TMEM117: variants seen among roughly 807,000 people sequenced by gnomAD.
TMEM117 encodes the protein transmembrane protein 117.
Under a neutral mutation model 52.4 loss-of-function variants are expected in TMEM117, and 27 were observed. That is an observed-to-expected ratio of 0.51 (90% CI 0.38 to 0.71). The LOEUF is 0.71. Ranked by LOEUF, TMEM117 falls within the 30% of genes least tolerant of loss-of-function variation. The pLI is 0.00. For missense variants in TMEM117, 556 were observed against 630.5 expected, an observed-to-expected ratio of 0.88 and a Z score of 1.26; for synonymous variants, 215 against 206.3, an observed-to-expected ratio of 1.04 and a Z score of -0.36.
the TMEM117 span, chr12:43,806,304 G>T: frequency 6.9e-7 from 1 of 1,440,842 alleles, no homozygotes; most frequent in Non-Finnish European, 9.1e-7. Context: ...CCCGGCCGGC[G>T]GCCCCAGGAA....
At chr12:44,329,758 T>C (rs1354432363) in intron 6 of TMEM117, among the ~76,000 whole-genome samples, 3 of 152,126 alleles carry the variant, frequency 2.0e-5, no homozygotes, top group Non-Finnish European at 4.4e-5. Context: ...AACAATCATA[T>C]AGCATTTATC....
intron 5 of TMEM117, among the ~76,000 whole-genome samples, chr12:44,291,519 C>A (rs1215919735): frequency 6.6e-6 from 1 of 151,494 alleles, no homozygotes; most frequent in East Asian, 1.9e-4. Flanking sequence ...TCTGGCTAGA[C>A]TTTCAGTACC....
At chr12:43,820,098 TA>T in the TMEM117 span, among the ~76,000 whole-genome samples, 3 of 151,654 alleles carry the variant, frequency 2.0e-5, no homozygotes, top group Admixed American at 6.6e-5. Context: ...ATTACAGGTG[TA>T]TTTTTTTTTG....
At chr12:44,368,853 T>C (rs1726894) in intron 6 of TMEM117, among the ~76,000 whole-genome samples, 152,240 of 152,248 alleles carry the variant, frequency 1, 76,116 homozygotes, top group Middle Eastern at 1. Flanking sequence ...TGGAGGAACA[T>C]GCATTTGAGT....
chr12:44,114,956 T>G (rs1344469009), intron 3 of TMEM117, among the ~76,000 whole-genome samples: 1 of 152,218 alleles, frequency 6.6e-6, no homozygotes, highest in Non-Finnish European at 1.5e-5. Context: ...TCCAATTTAC[T>G]GTAGAATATC....
chr12:44,000,731 G>C (rs1946103953), intron 3 of TMEM117, among the ~76,000 whole-genome samples: 1 of 152,264 alleles, frequency 6.6e-6, no homozygotes, highest in East Asian at 1.9e-4. Context: ...GTAGGTCCCT[G>C]CACTTCCCTG....
chr12:44,180,270 C>A (rs1949174253), intron 4 of TMEM117, among the ~76,000 whole-genome samples: 1 of 152,094 alleles, frequency 6.6e-6, no homozygotes, highest in South Asian at 2.1e-4. Flanking sequence ...AATATTCCCT[C>A]ATTAAGCCAC....
intron 5 of TMEM117, among the ~76,000 whole-genome samples, chr12:44,277,429 A>G (rs142851068): frequency 8.5e-5 from 13 of 152,210 alleles, no homozygotes; most frequent in Admixed American, 8.5e-4. Context: ...AAAAAGACCC[A>G]TTTATTATTT....
intron 3 of TMEM117, among the ~76,000 whole-genome samples, chr12:44,072,454 T>C (rs1390282748): frequency 6.6e-6 from 1 of 152,106 alleles, no homozygotes; most frequent in Non-Finnish European, 1.5e-5. Flanking sequence ...AAGAATTAGG[T>C]CCCTGGGTTC....
intron 5 of TMEM117, among the ~76,000 whole-genome samples, chr12:44,234,812 G>C (rs1394552358): frequency 6.6e-6 from 1 of 151,234 alleles, no homozygotes; most frequent in African/African-American, 2.4e-5. Context: ...ATTATATACT[G>C]TGTGTAATTT....
intron 6 of TMEM117, among the ~76,000 whole-genome samples, chr12:44,309,678 G>T (rs1950948743): frequency 6.6e-6 from 1 of 150,740 alleles, no homozygotes; most frequent in African/African-American, 2.4e-5. Flanking sequence ...TTCCAATAAG[G>T]ATAATATTAT....
intron 3 of TMEM117, among the ~76,000 whole-genome samples, chr12:44,045,261 G>A (rs1008168723): frequency 6.6e-6 from 1 of 152,186 alleles, no homozygotes; most frequent in Admixed American, 6.5e-5. Context: ...CCACTGCTGA[G>A]TGCCCAATTT....
rs181651674 is a variant in TMEM117, at chr12:44,184,889, A to G, written c.511-26401A>G. On this transcript the variant is annotated intron_variant, in intron 4 of 7. Transcript: ENST00000266534. ...ACAATAGAAAACTAATGCAATCTCA[A>G]ACATATGTAAGCATAACTTCCTATG... Among the ~76,000 whole-genome samples, 668 of 152,306 alleles carry G rather than the reference A, an allele frequency of 4.4e-3. 7 individuals carry two copies. The highest frequency in any genetic ancestry group is 0.015 in the African/African-American group (638 of 41,570).
intron 3 of TMEM117, among the ~76,000 whole-genome samples, chr12:44,096,533 A>G (rs1297191254): frequency 6.6e-6 from 1 of 152,106 alleles, no homozygotes; most frequent in Admixed American, 6.5e-5. Context: ...TCAATGGAAC[A>G]GAACAGAGCC....
At chr12:43,998,216 T>C (rs899763915) in intron 3 of TMEM117, among the ~76,000 whole-genome samples, 16 of 152,202 alleles carry the variant, frequency 1.1e-4, no homozygotes, top group Non-Finnish European at 2.2e-4. Context: ...AATTACTGCT[T>C]GGGAATTCCA....
At chr12:44,222,863 A>G (rs907972031) in intron 5 of TMEM117, among the ~76,000 whole-genome samples, 1 of 152,200 alleles carries the variant, frequency 6.6e-6, no homozygotes, top group African/African-American at 2.4e-5. Flanking sequence ...TAATGCCACA[A>G]ACTAGGCTTT....
intron 2 of TMEM117, among the ~76,000 whole-genome samples, chr12:43,922,709 G>A (rs926704769): frequency 2.0e-5 from 3 of 152,146 alleles, no homozygotes; most frequent in East Asian, 1.9e-4. Context: ...GCAAGAGAAT[G>A]AAAGTTGGAA....
chr12:43,872,094 G>A (rs1319945626), intron 2 of TMEM117, among the ~76,000 whole-genome samples: 3 of 152,140 alleles, frequency 2.0e-5, no homozygotes, highest in Non-Finnish European at 4.4e-5. Context: ...TAGAGATGGG[G>A]TCTTGCCTTG....
intron 3 of TMEM117, among the ~76,000 whole-genome samples, chr12:44,007,519 C>G (rs965984725): frequency 1.3e-5 from 2 of 152,046 alleles, no homozygotes; most frequent in African/African-American, 4.8e-5. Flanking sequence ...TTCTCTCAAC[C>G]CTTCATTACA....
Sources: gnomAD v4.1 joint callset for allele counts (sites outside exome capture counted in the v4.1 genomes callset) on GRCh38, gnomAD v4.1.1 for gene constraint, MANE v1.5 for transcripts, NCBI Gene and HGNC (gene_info 2026-07-23, HGNC 2026-07-21) for gene names.